Variants in DOCK8 observed in about 807,000 individuals in gnomAD.
The protein encoded by DOCK8 is dedicator of cytokinesis 8.
In DOCK8, 141 loss-of-function variants were observed where a neutral mutation model predicts 245.6. The observed-to-expected ratio is 0.57, with a 90% confidence interval of 0.50 to 0.66. The LOEUF is 0.66. Ranked by LOEUF, DOCK8 falls within the 30% of genes least tolerant of loss-of-function variation. The pLI is 0.00. For missense variants in DOCK8, 2,965 were observed against 2,603.4 expected (o/e 1.14, Z -3.02); for synonymous variants, 1,168 against 970.2 (o/e 1.20, Z -3.79).
chr9:348,270 A>G (rs1471412979), intron 14 of DOCK8, among the ~76,000 whole-genome samples: 1 of 152,166 alleles, frequency 6.6e-6, no homozygotes, highest in African/African-American at 2.4e-5. Context: ...ATTTTGTCTC[A>G]TATGTAAACC....
At chr9:311,105 G>C (rs1227874351) in intron 5 of DOCK8, among the ~76,000 whole-genome samples, 1 of 152,054 alleles carries the variant, frequency 6.6e-6, no homozygotes, top group Non-Finnish European at 1.5e-5. Flanking sequence ...GGACAATATG[G>C]TGAAACCCTA....
chr9:413,107 A>G (rs550210504), intron 28 of DOCK8, among the ~76,000 whole-genome samples: 1 of 152,200 alleles, frequency 6.6e-6, no homozygotes. Flanking sequence ...ATAAATCTTC[A>G]TATTTATAGT....
chr9:248,054 G>A (rs903750236), intron 1 of DOCK8, among the ~76,000 whole-genome samples: 15 of 151,662 alleles, frequency 9.9e-5, no homozygotes, highest in African/African-American at 3.4e-4. Flanking sequence ...TAATATGTCC[G>A]AGGAAAAGAA....
intron 28 of DOCK8, among the ~76,000 whole-genome samples, chr9:411,042 C>A (rs766644667): frequency 1.6e-4 from 24 of 152,230 alleles, no homozygotes; most frequent in Non-Finnish European, 3.1e-4. Context: ...TATAGAAAAT[C>A]CAAATAGACC....
Position 290,337 on chromosome 9 carries a change from CT to C in DOCK8, c.404+757del, listed in dbSNP as rs1218947648. Among the ~76,000 whole-genome samples the C allele has an allele frequency of 2.0e-5, 3 of 151,858 alleles. No homozygotes were observed. The East Asian group carries it at 5.8e-4, about 29-fold the overall frequency. On this transcript the variant is annotated intron_variant, in intron 4 of 47. Transcript: ENST00000432829. ...AGTGTTAGTGTATTTGATATTTGGC[CT>C]GAGATAATTCTTCTTCCAGTATGGC... is the stretch of plus-strand genomic sequence containing the variant.
chr9:281,814 C>T (rs1409735919), intron 2 of DOCK8, among the ~76,000 whole-genome samples: 2 of 152,190 alleles, frequency 1.3e-5, no homozygotes, highest in Non-Finnish European at 2.9e-5. Flanking sequence ...GGGTCTCCAC[C>T]CACTTGCCAA....
intron 4 of DOCK8, among the ~76,000 whole-genome samples, chr9:301,789 A>G (rs549986767): frequency 6.6e-6 from 1 of 152,344 alleles, no homozygotes; most frequent in African/African-American, 2.4e-5. Context: ...CAGCTAATCA[A>G]GGAGGTGAAA....
intron 14 of DOCK8, among the ~76,000 whole-genome samples, chr9:345,900 C>T (rs13292760): frequency 0.15 from 22,374 of 151,888 alleles, 1,943 homozygotes; most frequent in Non-Finnish European, 0.2. Flanking sequence ...GAAGTATCCC[C>T]GTGGGTCCGT....
chr9:305,421 T>C (rs1266863088), intron 5 of DOCK8, among the ~76,000 whole-genome samples: 5 of 151,484 alleles, frequency 3.3e-5, no homozygotes, highest in Non-Finnish European at 7.4e-5. Flanking sequence ...TAGCTGGGAC[T>C]ACAGGCTCCC....
intron 2 of DOCK8, among the ~76,000 whole-genome samples, chr9:272,225 GT>G (rs1366989517): frequency 6.6e-5 from 10 of 152,040 alleles, no homozygotes; most frequent in African/African-American, 2.4e-4. Context: ...CCTTTCCTCA[GT>G]CAAGATATAG....
chr9:362,471 C>G (rs950385252), intron 14 of DOCK8, among the ~76,000 whole-genome samples: 9 of 152,168 alleles, frequency 5.9e-5, no homozygotes, highest in African/African-American at 2.2e-4. Context: ...CAACTTTGCT[C>G]CAGCAACTTC....
Position 382,523 on chromosome 9 carries a change from T to C in DOCK8, c.2616T>C (p.Thr872=). Residue 872 remains threonine (T), a synonymous_variant, in exon 22 of 48, where the codon ACT becomes ACC. Transcript: ENST00000432829. ...CCTGGTGGGGTGCAGGCGCTCCCAC[T>C]GCCCTCCTAGACCCTCGGAGCTACC... is the stretch of plus-strand genomic sequence containing the variant. ...QRDVPKSGAP[T]ALLDPRSYHT... is the part of the protein sequence containing the mutation. The C allele has an allele frequency of 6.2e-7, 1 of 1,613,812 alleles. No individual in the cohort carries two copies. Among genetic ancestry groups the C allele is most frequent in the South Asian group, 1.1e-5 (1 of 91,074 alleles).
At chr9:340,599 AGAC>A (rs1417623614) in intron 14 of DOCK8, 9 of 279,108 alleles carry the variant, frequency 3.2e-5, no homozygotes, top group African/African-American at 2.0e-4. Context: ...CCAGCCTGGG[AGAC>A]AGAACCAGAC....
rs2053392836 is a variant in DOCK8 at position 373,599 on chromosome 9, A to T, written c.2109+1313A>T. On this transcript the variant is annotated intron_variant, in intron 18 of 47. Transcript: ENST00000432829. ...CTTTCCTTGCAATTTTAAGTTGAAG[A>T]ATTTCTCAGAAATTTGAATTTAATT... 2.0e-5 allele frequency among the ~76,000 whole-genome samples: 3 copies of T among 152,214 alleles called. No homozygotes were observed. The South Asian group carries it at 6.2e-4, about 32-fold the overall frequency.
At chr9:376,336 A>G (rs1279581836) in intron 19 of DOCK8, 31 bp downstream of exon 19, 1 of 1,482,922 alleles carries the variant, frequency 6.7e-7, no homozygotes, top group Non-Finnish European at 9.4e-7. Flanking sequence ...TCATGAAGGT[A>G]AAGGTGCAGC....
intron 27 of DOCK8, 67 bp from the exon 28 acceptor site, chr9:406,863 A>G: frequency 6.2e-7 from 1 of 1,608,078 alleles, no homozygotes. Flanking sequence ...GACTCAGTAA[A>G]CACTGGCCAT....
intron 1 of DOCK8, among the ~76,000 whole-genome samples, chr9:258,937 A>G (rs898634314): frequency 3.9e-5 from 6 of 152,034 alleles, no homozygotes; most frequent in African/African-American, 1.4e-4. Flanking sequence ...TAGTTTAAAA[A>G]GCTGTATGTG....
intron 23 of DOCK8, among the ~76,000 whole-genome samples, chr9:388,711 C>T (rs2054060857): frequency 6.6e-6 from 1 of 152,094 alleles, no homozygotes; most frequent in Non-Finnish European, 1.5e-5. Context: ...TGAACCACCA[C>T]ATCTGGCTAA....
intron 8 of DOCK8, among the ~76,000 whole-genome samples, chr9:326,751 A>G (rs1178954999): frequency 2.0e-5 from 3 of 152,164 alleles, no homozygotes; most frequent in African/African-American, 7.2e-5. Flanking sequence ...TACTCTTGTC[A>G]CTGCCATTGC....
Sources: gnomAD v4.1 joint callset for allele counts (sites outside exome capture counted in the v4.1 genomes callset) on GRCh38, gnomAD v4.1.1 for gene constraint, MANE v1.5 for transcripts, NCBI Gene and HGNC (gene_info 2026-07-23, HGNC 2026-07-21) for gene names.